The following RGS6 variants were observed in gnomAD, a reference collection of about 807,000 sequenced individuals.
RGS6 encodes the protein regulator of G protein signaling 6, also known as regulator of G-protein signaling 6.
RGS6 carries 30 observed loss-of-function variants against 78.5 expected under a neutral mutation model. That is an observed-to-expected ratio of 0.38 (90% confidence interval 0.29 to 0.52). The LOEUF is 0.52. Among genes scored for constraint, RGS6 ranks in the 20% least tolerant of loss-of-function variants. RGS6 has a pLI of 0.85. For synonymous variants in RGS6, 206 were observed against 206.0 expected, an observed-to-expected ratio of 1.00 and a Z score of 0.00; for missense variants, 495 against 609.7, an observed-to-expected ratio of 0.81 and a Z score of 1.98.
At chr14:72,010,729 T>C (rs2153229060) in intron 2 of RGS6, among the ~76,000 whole-genome samples, 1 of 152,334 alleles carries the variant, frequency 6.6e-6, no homozygotes, top group South Asian at 2.1e-4. Flanking sequence ...AATCTAATTT[T>C]CCAAACAGGG....
chr14:72,297,412 ATAT>A (rs35789414), intron 2 of RGS6, among the ~76,000 whole-genome samples: 1 of 145,516 alleles, frequency 6.9e-6, no homozygotes. Context: ...AACATGGTAT[ATAT>A]TATTATTATT....
At chr14:72,426,301 A>C (rs1199619684) in intron 3 of RGS6, among the ~76,000 whole-genome samples, 1 of 152,208 alleles carries the variant, frequency 6.6e-6, no homozygotes, top group Non-Finnish European at 1.5e-5. Context: ...TCAATATCAC[A>C]TAATTAATAA....
intron 12 of RGS6, among the ~76,000 whole-genome samples, chr14:72,488,169 C>G (rs1248216152): frequency 6.6e-6 from 1 of 152,242 alleles, no homozygotes; most frequent in African/African-American, 2.4e-5. Flanking sequence ...ACCAGTACCA[C>G]TCATCTCTGA....
intron 2 of RGS6, among the ~76,000 whole-genome samples, chr14:72,284,485 G>C (rs2062144440): frequency 6.6e-6 from 1 of 152,218 alleles, no homozygotes; most frequent in Non-Finnish European, 1.5e-5. Context: ...CCCAAGACTT[G>C]GCAGCTTCCA....
intron 2 of RGS6, among the ~76,000 whole-genome samples, chr14:72,233,273 A>G (rs1042192461): frequency 5.3e-5 from 8 of 152,174 alleles, no homozygotes; most frequent in Non-Finnish European, 5.9e-5. Context: ...ACAGCCACTT[A>G]GAAGGAGTGT....
chr14:72,033,731 G>C (rs952538119), intron 2 of RGS6, among the ~76,000 whole-genome samples: 1 of 152,172 alleles, frequency 6.6e-6, no homozygotes, highest in South Asian at 2.1e-4. Flanking sequence ...TCAAACTGTT[G>C]TATGTTGAGG....
At chr14:72,417,960 T>A (rs906916523) in intron 3 of RGS6, among the ~76,000 whole-genome samples, 6 of 152,150 alleles carry the variant, frequency 3.9e-5, no homozygotes, top group Admixed American at 3.3e-4. Context: ...ATTTATAGCA[T>A]AGCTTGGGGG....
the RGS6 span, among the ~76,000 whole-genome samples, chr14:71,869,633 T>G: frequency 6.6e-6 from 1 of 152,238 alleles, no homozygotes; most frequent in Admixed American, 6.5e-5. Context: ...AAACCCATTA[T>G]AGCTATAGAA....
intron 2 of RGS6, among the ~76,000 whole-genome samples, chr14:72,004,849 A>ATAAATAAAT (rs1224764581): frequency 1.2e-4 from 18 of 152,152 alleles, no homozygotes; most frequent in African/African-American, 4.3e-4. Flanking sequence ...AAATAAATAA[A>ATAAATAAAT]ACAAACATAA....
chr14:72,276,653 G>A (rs573347953), intron 2 of RGS6, among the ~76,000 whole-genome samples: 1 of 152,276 alleles, frequency 6.6e-6, no homozygotes, highest in African/African-American at 2.4e-5. Flanking sequence ...TAAGTCTCAT[G>A]AGATCTGATG....
chr14:72,216,906 T>A (rs1483882241), intron 2 of RGS6, among the ~76,000 whole-genome samples: 1 of 152,092 alleles, frequency 6.6e-6, no homozygotes, highest in South Asian at 2.1e-4. Flanking sequence ...AGGAAAAAAA[T>A]TTACTTTACA....
At chr14:72,446,553 TG>T (rs2095368159) in intron 3 of RGS6, among the ~76,000 whole-genome samples, 1 of 152,240 alleles carries the variant, frequency 6.6e-6, no homozygotes, top group Admixed American at 6.5e-5. Context: ...ACCAGTTTCA[TG>T]GAAGACAGTT....
chr14:71,985,365 G>T (rs747281354), intron 2 of RGS6, among the ~76,000 whole-genome samples: 1 of 152,106 alleles, frequency 6.6e-6, no homozygotes, highest in African/African-American at 2.4e-5. Context: ...CTCATGATCC[G>T]CCCACCTTGG....
At chr14:71,937,640 A>G (rs1002493315) in intron 1 of RGS6, among the ~76,000 whole-genome samples, 3 of 152,180 alleles carry the variant, frequency 2.0e-5, no homozygotes, top group Admixed American at 6.5e-5. Context: ...CCACTGCCAC[A>G]CTTCTTTGGC....
chr14:72,456,700 C>G (rs567165022), intron 4 of RGS6, among the ~76,000 whole-genome samples: 4 of 152,250 alleles, frequency 2.6e-5, no homozygotes, highest in African/African-American at 9.6e-5. Flanking sequence ...GGATTTTGTT[C>G]TTTCTTCTCT....
intron 17 of RGS6, among the ~76,000 whole-genome samples, chr14:72,543,413 C>G (rs1245473572): frequency 6.6e-6 from 1 of 152,206 alleles, no homozygotes; most frequent in Non-Finnish European, 1.5e-5. Flanking sequence ...AATACATGGC[C>G]TCAGGTCATG....
chr14:72,347,552 C>G (rs1280046063), intron 2 of RGS6, among the ~76,000 whole-genome samples: 2 of 152,180 alleles, frequency 1.3e-5, no homozygotes, highest in East Asian at 3.9e-4. Flanking sequence ...AAAGATGAAT[C>G]TTTGTTCTCT....
intron 3 of RGS6, among the ~76,000 whole-genome samples, chr14:72,423,732 C>T (rs1264997115): frequency 2.6e-5 from 4 of 152,254 alleles, no homozygotes; most frequent in Admixed American, 6.5e-5. Flanking sequence ...TTGCTCAGTA[C>T]TTGAGTGACG....
the RGS6 span, among the ~76,000 whole-genome samples, chr14:71,896,021 G>A: frequency 3.3e-5 from 5 of 152,062 alleles, no homozygotes; most frequent in South Asian, 2.1e-4. Flanking sequence ...GGTGCAGTCC[G>A]TGCAGGCCAG....
Sources: gnomAD v4.1 joint callset for allele counts (sites outside exome capture counted in the v4.1 genomes callset) on GRCh38, gnomAD v4.1.1 for gene constraint, MANE v1.5 for transcripts, NCBI Gene and HGNC (gene_info 2026-07-23, HGNC 2026-07-21) for gene names.